The following PCDHA12 variants were observed in gnomAD, a reference collection of about 807,000 sequenced individuals.
PCDHA12 encodes the protein protocadherin alpha-12.
PCDHA12 carries 44 observed loss-of-function variants against 60.0 expected under a neutral mutation model. The ratio of observed to expected loss-of-function variants is 0.73; its 90% CI spans 0.58 to 0.94. The LOEUF (loss-of-function observed/expected upper bound fraction) is 0.94, where lower values mean the gene tolerates loss of function less well. Among genes scored for constraint, PCDHA12 ranks in the 40% least tolerant of loss-of-function variants. The pLI, the probability that PCDHA12 is intolerant of heterozygous loss-of-function variation, is 0.00. For missense variants in PCDHA12, 1,276 were observed against 1,239.7 expected (o/e 1.03, Z -0.44); for synonymous variants, 569 against 553.0 (o/e 1.03, Z -0.40).
At chr5:140,998,300 G>C (rs1287043977) in intron 3 of PCDHA12, among the ~76,000 whole-genome samples, 1 of 152,194 alleles carries the variant, frequency 6.6e-6, no homozygotes, top group Non-Finnish European at 1.5e-5. Context: ...CACACATTTA[G>C]TAAGGGCACC....
chr5:140,882,449 C>T (rs782741434), intron 1 of PCDHA12: 1 of 1,614,022 alleles, frequency 6.2e-7, no homozygotes, highest in Admixed American at 1.7e-5. Context: ...GGAGCTGGTG[C>T]CGCGCCTGTT....
At chr5:140,882,247 T>C in intron 1 of PCDHA12, 1 of 1,594,292 alleles carries the variant, frequency 6.3e-7, no homozygotes, top group Non-Finnish European at 8.6e-7. Context: ...TGCAGATAGC[T>C]CTGAGGTTTT....
At chr5:140,927,417 G>A (rs74597681) in intron 1 of PCDHA12, 37,118 of 1,614,096 alleles carry the variant, frequency 0.023, 560 homozygotes, top group African/African-American at 0.056. Flanking sequence ...ACATGGGATC[G>A]CGGGTTGACG....
chr5:140,966,767 A>G, intron 1 of PCDHA12: 1 of 1,484,362 alleles, frequency 6.7e-7, no homozygotes, highest in Non-Finnish European at 8.9e-7. Context: ...GCCAGTGGCT[A>G]TGGAGCAGGC....
At chr5:140,944,724 C>G (rs246064) in intron 1 of PCDHA12, among the ~76,000 whole-genome samples, 85,713 of 151,920 alleles carry the variant, frequency 0.56, 24,798 homozygotes, top group African/African-American at 0.69. Flanking sequence ...CTTTGAACAC[C>G]TTAGTAAGTC....
chr5:140,976,550 CATAA>C (rs782672542), intron 1 of PCDHA12, among the ~76,000 whole-genome samples: 4 of 151,944 alleles, frequency 2.6e-5, no homozygotes, highest in South Asian at 2.1e-4. Flanking sequence ...GACCCTATCT[CATAA>C]ATAAATAAAT....
At chr5:140,968,673 A>G in intron 1 of PCDHA12, 2 of 1,614,168 alleles carry the variant, frequency 1.2e-6, no homozygotes, top group Non-Finnish European at 1.7e-6. Context: ...TTTAAGGTAG[A>G]GCTGCACACA....
intron 1 of PCDHA12, chr5:140,884,522 C>T: frequency 6.2e-7 from 1 of 1,614,058 alleles, no homozygotes. Flanking sequence ...GTCGTACTCG[C>T]AGCAGAGGCG....
chr5:140,985,859 C>T (rs2153837183), intron 3 of PCDHA12, among the ~76,000 whole-genome samples: 1 of 151,736 alleles, frequency 6.6e-6, no homozygotes, highest in African/African-American at 2.4e-5. Context: ...CCTGCCTCAG[C>T]CTCCTGAGTA....
At chr5:140,999,240 G>A (rs193018375) in intron 3 of PCDHA12, among the ~76,000 whole-genome samples, 1 of 152,340 alleles carries the variant, frequency 6.6e-6, no homozygotes, top group Non-Finnish European at 1.5e-5. Context: ...GGTGGTTAAA[G>A]TGGGAGTTGG....
In PCDHA12 at chr5:140,877,207, G is replaced by C; in HGVS notation, c.1735G>C (p.Glu579Gln). 3 of 1,613,796 alleles carry C rather than the reference G, an allele frequency of 1.9e-6. No homozygotes were observed. The highest frequency in any genetic ancestry group is 2.5e-6 in the Non-Finnish European group (3 of 1,179,792). ...PAGSAGGAVS[E>Q]LVPRSVGAGH... ...TGGCAGCGCAGGAGGCGCAGTTAGC[G>C]AGTTGGTACCGCGGTCGGTGGGTGC... is the stretch of plus-strand genomic sequence containing the variant. The change falls in exon 1 of 4, where the codon GAG (glutamate) becomes CAG (glutamine). Residue 579 changes from glutamate (E) to glutamine (Q), a missense_variant. Glu to Gln is a conservative substitution (Grantham distance 29, BLOSUM62 2). Coordinates refer to ENST00000398631, the MANE Select transcript of PCDHA12 (RefSeq NM_018903.4).
intron 3 of PCDHA12, among the ~76,000 whole-genome samples, chr5:140,984,963 A>T (rs1390500469): frequency 1.3e-5 from 2 of 151,890 alleles, no homozygotes; most frequent in Non-Finnish European, 2.9e-5. Context: ...TTTGAGACAG[A>T]GTCTCGCTCT....
chr5:140,962,511 C>T (rs1164554453), intron 1 of PCDHA12, among the ~76,000 whole-genome samples: 1 of 152,106 alleles, frequency 6.6e-6, no homozygotes, highest in Non-Finnish European at 1.5e-5. Flanking sequence ...AGCCAACTAT[C>T]AATAATATAT....
At chr5:140,891,078 T>G (rs1554184657) in intron 1 of PCDHA12, among the ~76,000 whole-genome samples, 1 of 152,198 alleles carries the variant, frequency 6.6e-6, no homozygotes, top group Admixed American at 6.6e-5. Flanking sequence ...CAGTGTCTAC[T>G]GGTTTCCATT....
chr5:140,986,073 G>A (rs1428668406), intron 3 of PCDHA12, among the ~76,000 whole-genome samples: 1 of 152,176 alleles, frequency 6.6e-6, no homozygotes, highest in East Asian at 1.9e-4. Context: ...TAAAGAAACT[G>A]TTCATTTATT....
At chr5:140,881,323 T>C in intron 1 of PCDHA12, 1 of 984,214 alleles carries the variant, frequency 1.0e-6, no homozygotes, top group South Asian at 4.7e-5. Flanking sequence ...AAATTCTATT[T>C]AACCAGGACG....
At chr5:140,888,037 A>T (rs547880007) in intron 1 of PCDHA12, among the ~76,000 whole-genome samples, 8 of 152,186 alleles carry the variant, frequency 5.3e-5, no homozygotes, top group Non-Finnish European at 1.0e-4. Flanking sequence ...ATATTAGTAC[A>T]TGTATAATAG....
rs781992926 is a variant in PCDHA12 at position 140,990,008 on chromosome 5, G to A, written c.2515+7445G>A. On this transcript the variant is annotated intron_variant, in intron 3 of 3. Coordinates refer to ENST00000398631, the MANE Select transcript of PCDHA12 (RefSeq NM_018903.4). ...CCTGAAATTGTCTATCTCCAAGGGCGTGGGCTAGGCAAAGGATGGGAGAAG... is the reference window on the plus strand; with the variant it reads ...CCTGAAATTGTCTATCTCCAAGGGCATGGGCTAGGCAAAGGATGGGAGAAG... Among the ~76,000 whole-genome samples the A allele has an allele frequency of 2.8e-4, 43 of 152,230 alleles. 1 individual carries two copies. The highest frequency in any genetic ancestry group is 9.1e-4 in the African/African-American group (38 of 41,532).
At chr5:140,926,961 G>A in intron 1 of PCDHA12, 1 of 1,604,688 alleles carries the variant, frequency 6.2e-7, no homozygotes, top group Non-Finnish European at 8.5e-7. Context: ...GACAGCTCGA[G>A]TACTCAGTGC....
Sources: allele counts gnomAD v4.1 joint callset (sites outside exome capture counted in the v4.1 genomes callset), GRCh38; gene constraint gnomAD v4.1.1; transcripts MANE v1.5; gene names NCBI Gene and HGNC (gene_info 2026-07-23, HGNC 2026-07-21).